The following CACNG4 variants were observed in gnomAD, a reference collection of about 807,000 sequenced individuals.
The protein encoded by CACNG4 is voltage-dependent calcium channel gamma-4 subunit.
In CACNG4, 8 loss-of-function variants were observed where a neutral mutation model predicts 22.9. The ratio of observed to expected loss-of-function variants is 0.35; its 90% CI spans 0.21 to 0.63. CACNG4 has a LOEUF of 0.63. CACNG4 is among the 30% of genes least tolerant of loss of function. The pLI, the probability that CACNG4 is intolerant of heterozygous loss-of-function variation, is 0.72. For synonymous variants in CACNG4, 188 were observed against 191.9 expected (o/e 0.98, Z 0.17); for missense variants, 357 against 455.4 (o/e 0.78, Z 1.97).
chr17:67,023,270 CTTTTTTTT>C (rs3043068), intron 2 of CACNG4, among the ~76,000 whole-genome samples: 2 of 79,784 alleles, frequency 2.5e-5, no homozygotes, highest in Non-Finnish European at 4.5e-5. Context: ...AAGACCTCTT[CTTTTTTTT>C]TTTTTTTTTT....
chr17:67,010,011 A>G (rs1430592716), intron 1 of CACNG4, among the ~76,000 whole-genome samples: 4 of 148,288 alleles, frequency 2.7e-5, no homozygotes, highest in Admixed American at 6.8e-5. Context: ...TACCTCCCCC[A>G]TCACTGCTAC....
chr17:66,974,100 G>A (rs990341782), intron 1 of CACNG4, among the ~76,000 whole-genome samples: 1 of 152,214 alleles, frequency 6.6e-6, no homozygotes, highest in Non-Finnish European at 1.5e-5. Flanking sequence ...ATAAAGAGAT[G>A]AGGGACTGGG....
intron 1 of CACNG4, among the ~76,000 whole-genome samples, chr17:66,999,170 G>A (rs1310403846): frequency 2.0e-5 from 3 of 152,212 alleles, no homozygotes; most frequent in African/African-American, 7.2e-5. Flanking sequence ...GCACCTGCAT[G>A]AGAGGGTTGC....
In CACNG4 at chr17:67,030,011, C is replaced by T. The variant is rs2035592794; in HGVS notation, c.446-455C>T. Among the ~76,000 whole-genome samples, 1 of 152,164 alleles carries T rather than the reference C, an allele frequency of 6.6e-6. No homozygotes were observed. The highest frequency in any genetic ancestry group is 1.5e-5 in the Non-Finnish European group (1 of 68,028). On this transcript the variant is annotated intron_variant, in intron 3 of 3. Transcript: ENST00000262138. The surrounding 1 kb of genome is among the most constrained non-coding windows in gnomAD (Gnocchi z 6.4). ...CCCGTAAAGGCCTGGTTAGGTGGGT[C>T]GTGAGACTTCTGTATGGCGGTGCCG...
intron 2 of CACNG4, among the ~76,000 whole-genome samples, chr17:67,019,758 C>T (rs1000909102): frequency 6.6e-6 from 1 of 152,186 alleles, no homozygotes; most frequent in Non-Finnish European, 1.5e-5. Context: ...TGGAGCTCCC[C>T]TGAGGTTATG....
intron 1 of CACNG4, among the ~76,000 whole-genome samples, chr17:66,970,866 C>T (rs1490695251): frequency 6.6e-6 from 1 of 152,138 alleles, no homozygotes. Flanking sequence ...AGGAAGAGGC[C>T]CTTCAAAAAG....
chr17:67,013,129 G>A (rs2035477686), intron 1 of CACNG4, among the ~76,000 whole-genome samples: 1 of 152,068 alleles, frequency 6.6e-6, no homozygotes, highest in Admixed American at 6.5e-5. Context: ...GAACCCATCG[G>A]GTCCTGGGGG....
intron 1 of CACNG4, among the ~76,000 whole-genome samples, chr17:67,016,452 G>A (rs1468446212): frequency 6.6e-6 from 1 of 152,062 alleles, no homozygotes; most frequent in Admixed American, 6.6e-5. Context: ...AAAGAGCTTG[G>A]GGACGGCAGC....
Position 67,017,139 on chromosome 17 carries a change from T to C in CACNG4, c.221-1050T>C, listed in dbSNP as rs149236587. On this transcript the variant is annotated intron_variant, in intron 1 of 3. Coordinates refer to ENST00000262138, the MANE Select transcript of CACNG4 (RefSeq NM_014405.4). Reference sequence around the variant, plus strand: ...TTGCCCAGGCTGGAGTGCAGTGATGTGGTCTCAGCTCACCGCAACCTCCAC... The same window carrying C: ...TTGCCCAGGCTGGAGTGCAGTGATGCGGTCTCAGCTCACCGCAACCTCCAC... 4.2e-3 allele frequency among the ~76,000 whole-genome samples: 640 copies of C among 151,954 alleles called. 6 individuals carry two copies. The highest frequency in any genetic ancestry group is 0.015 in the African/African-American group (608 of 41,428).
At chr17:66,999,432 C>G (rs1180496009) in intron 1 of CACNG4, among the ~76,000 whole-genome samples, 1 of 152,114 alleles carries the variant, frequency 6.6e-6, no homozygotes, top group African/African-American at 2.4e-5. Flanking sequence ...TAAATAAATG[C>G]CTGAGACTGG....
chr17:67,030,961 G>C lies in CACNG4; in HGVS notation c.941G>C (p.Gly314Ala). ...TTTTTCCAGCAGGACCTGAAGGAAG[G>C]TTTCCACGTCAGCATGCTGAACCGA... The part of the protein sequence containing the change: ...HDFFQQDLKE[G>A]FHVSMLNRRT... The change falls in exon 4 of 4, where the codon GGT becomes GCT. Residue 314 changes from glycine to alanine, a missense_variant. Around this residue, in one of 3 missense-constraint regions of CACNG4, gnomAD observed 240 missense variants for 277.6 expected, o/e 0.86. Transcript: ENST00000262138. This position sits in a 1 kb window ranked among gnomAD's most constrained non-coding sequence, Gnocchi z 6.4. The C allele has an allele frequency of 1.2e-6, 2 of 1,613,796 alleles. No individual in the cohort carries two copies. The highest frequency in any genetic ancestry group is 1.7e-6 in the Non-Finnish European group (2 of 1,179,944).
chr17:66,982,791 AGCGATCCTCCT>A (rs937831426), intron 1 of CACNG4, among the ~76,000 whole-genome samples: 2 of 152,164 alleles, frequency 1.3e-5, no homozygotes, highest in Admixed American at 6.5e-5. Flanking sequence ...CCTGGGCTCA[AGCGATCCTCCT>A]GCTTCAGCCT....
At chr17:66,974,195 G>C (rs1341005373) in intron 1 of CACNG4, among the ~76,000 whole-genome samples, 1 of 152,188 alleles carries the variant, frequency 6.6e-6, no homozygotes, top group African/African-American at 2.4e-5. Context: ...AAGCCAGCTG[G>C]GGGCCGAGGC....
At chr17:67,026,189 G>A (rs747260802) in intron 3 of CACNG4, among the ~76,000 whole-genome samples, 19 of 151,396 alleles carry the variant, frequency 1.3e-4, no homozygotes, top group Non-Finnish European at 2.1e-4. Context: ...GGAGTGTGGT[G>A]TGTGTGTTTG....
intron 1 of CACNG4, among the ~76,000 whole-genome samples, chr17:67,009,637 A>C (rs888594344): frequency 6.6e-6 from 1 of 152,194 alleles, no homozygotes; most frequent in African/African-American, 2.4e-5. Context: ...ATACAACAGA[A>C]ATTTATTTCT....
In CACNG4 at chr17:66,964,788, C is replaced by A; in HGVS notation, c.-124C>A. Reference sequence around the variant, plus strand: ...CGGGGCGCGGGGTCGGAGCGCGCAGCGCGGCGCCGCCCCCCGGCCCTCGGC... The same window carrying A: ...CGGGGCGCGGGGTCGGAGCGCGCAGAGCGGCGCCGCCCCCCGGCCCTCGGC... On this transcript the variant is annotated 5_prime_UTR_variant, in exon 1 of 4. Transcript: ENST00000262138. 1 of 270,324 alleles carries A rather than the reference C, an allele frequency of 3.7e-6. No individual in the cohort carries two copies. The highest frequency in any genetic ancestry group is 5.5e-6 in the Non-Finnish European group (1 of 181,520). The allele number at this position is 270,324 out of a possible 1,614,324, so 16.7% of individuals were successfully genotyped here.
At chr17:66,993,583 G>C (rs550678572) in intron 1 of CACNG4, among the ~76,000 whole-genome samples, 1 of 152,280 alleles carries the variant, frequency 6.6e-6, no homozygotes, top group African/African-American at 2.4e-5. Context: ...GGACAAAAGT[G>C]CTTAAAAAGT....
Position 67,032,073 on chromosome 17 carries a change from T to C in CACNG4, c.*1069T>C, listed in dbSNP as rs147471195. 1,396 of 429,694 alleles carry C rather than the reference T, an allele frequency of 3.2e-3. 7 individuals carry two copies. Among genetic ancestry groups the C allele is most frequent in the Middle Eastern group, 6.8e-3 (20 of 2,924 alleles). The allele number at this position is 429,694 out of a possible 1,614,324, so 26.6% of individuals were successfully genotyped here. On this transcript the variant is annotated 3_prime_UTR_variant, in exon 4 of 4. Transcript: ENST00000262138. ...CAGGAGAGCAACTTACCTTCATTTC[T>C]TTGTCTTAAAAAGTAGCAGCAACTG...
At chr17:66,977,600 C>T (rs772984931) in intron 1 of CACNG4, among the ~76,000 whole-genome samples, 2 of 152,146 alleles carry the variant, frequency 1.3e-5, no homozygotes, top group Non-Finnish European at 2.9e-5. Flanking sequence ...ATGATCAGAA[C>T]GATTAAATGA....
Sources: allele counts gnomAD v4.1 joint callset (sites outside exome capture counted in the v4.1 genomes callset), GRCh38; gene constraint gnomAD v4.1.1; regional missense constraint gnomAD v4.1.1; non-coding constraint Gnocchi (gnomAD v3.1); transcripts MANE v1.5; gene names NCBI Gene and HGNC (gene_info 2026-07-23, HGNC 2026-07-21).